DENND1A: variants seen among roughly 807,000 people sequenced by gnomAD.
DENND1A encodes the protein DENN domain-containing protein 1A.
A neutral mutation model predicts 113.7 loss-of-function variants in DENND1A; 51 were observed. The ratio of observed to expected loss-of-function variants is 0.45; its 90% CI spans 0.36 to 0.57. The LOEUF (loss-of-function observed/expected upper bound fraction) is 0.57. DENND1A is among the 20% of genes least tolerant of loss of function. The probability of loss-of-function intolerance (pLI) is 0.00; values close to 1 mark genes in which losing one functional copy is unlikely to be tolerated. For missense variants in DENND1A, 1,258 were observed against 1,395.9 expected (o/e 0.90, Z 1.57); for synonymous variants, 565 against 570.8 (o/e 0.99, Z 0.14).
intron 5 of DENND1A, among the ~76,000 whole-genome samples, chr9:123,709,281 G>A (rs575114561): frequency 3.7e-4 from 57 of 152,186 alleles, no homozygotes; most frequent in African/African-American, 1.2e-3. Context: ...GCCCCCCTCT[G>A]AGCACCAGTG....
intron 13 of DENND1A, among the ~76,000 whole-genome samples, chr9:123,475,020 ATTAAT>A (rs1188079956): frequency 6.7e-6 from 1 of 148,676 alleles, no homozygotes. Flanking sequence ...GGGTTTTTTA[ATTAAT>A]TTATTTTTTT....
At chr9:123,766,098 TC>T (rs942299138) in intron 4 of DENND1A, among the ~76,000 whole-genome samples, 1 of 152,172 alleles carries the variant, frequency 6.6e-6, no homozygotes, top group African/African-American at 2.4e-5. Context: ...CCCAGCGAGC[TC>T]CATCTGCTCT....
chr9:123,520,806 C>T (rs577387945), intron 13 of DENND1A, among the ~76,000 whole-genome samples: 8 of 152,174 alleles, frequency 5.3e-5, no homozygotes, highest in Non-Finnish European at 8.8e-5. Flanking sequence ...GTTCCCACTA[C>T]CTAAAGTGGT....
chr9:123,540,035 A>ATC (rs1200398695), intron 13 of DENND1A, among the ~76,000 whole-genome samples: 1 of 152,250 alleles, frequency 6.6e-6, no homozygotes, highest in Non-Finnish European at 1.5e-5. Flanking sequence ...CTTTGTAAAC[A>ATC]GTGTCAGCAT....
At chr9:123,609,385 T>G (rs1390306094) in intron 11 of DENND1A, 51 bp downstream of exon 11, 4 of 1,582,862 alleles carry the variant, frequency 2.5e-6, no homozygotes, top group Non-Finnish European at 3.5e-6. Flanking sequence ...CGCCACACAA[T>G]GAAACAAAGC....
chr9:123,897,459 G>A (rs1430671011), intron 1 of DENND1A, among the ~76,000 whole-genome samples: 3 of 152,224 alleles, frequency 2.0e-5, no homozygotes, highest in South Asian at 4.1e-4. Context: ...GTGGCCTTAA[G>A]AGGATAGGGC....
intron 8 of DENND1A, among the ~76,000 whole-genome samples, chr9:123,657,380 C>T (rs1189345992): frequency 7.9e-6 from 1 of 127,290 alleles, no homozygotes; most frequent in Non-Finnish European, 1.6e-5. Flanking sequence ...CCTGAGGTTA[C>T]GAAGCAGGTG....
chr9:123,692,904 G>C (rs1299770592), intron 5 of DENND1A, among the ~76,000 whole-genome samples: 1 of 152,164 alleles, frequency 6.6e-6, no homozygotes, highest in Non-Finnish European at 1.5e-5. Flanking sequence ...AACTATGTGA[G>C]ATGGGTATTT....
At chr9:123,808,384 CTTT>C (rs777273959) in intron 2 of DENND1A, among the ~76,000 whole-genome samples, 1 of 136,728 alleles carries the variant, frequency 7.3e-6, no homozygotes, top group Admixed American at 7.4e-5. Flanking sequence ...CAATAATTTG[CTTT>C]TTTTTTTTTT....
intron 13 of DENND1A, among the ~76,000 whole-genome samples, chr9:123,496,605 G>T (rs995403290): frequency 6.6e-5 from 10 of 152,202 alleles, no homozygotes; most frequent in Non-Finnish European, 1.3e-4. Context: ...TAGAACTTCT[G>T]CTGGACTGGG....
At chr9:123,740,245 T>C (rs139928203) in intron 5 of DENND1A, among the ~76,000 whole-genome samples, 6 of 152,236 alleles carry the variant, frequency 3.9e-5, no homozygotes, top group South Asian at 4.1e-4. Context: ...CAATTCTCTA[T>C]GCTGCTTAAT....
At chr9:123,438,270 G>C (rs1220923520) in intron 19 of DENND1A, among the ~76,000 whole-genome samples, 2 of 152,176 alleles carry the variant, frequency 1.3e-5, no homozygotes, top group Admixed American at 6.5e-5. Flanking sequence ...TTAAAAGAAA[G>C]GGGTCTGTGG....
chr9:123,445,398 G>C (rs779437227), intron 18 of DENND1A, among the ~76,000 whole-genome samples: 8 of 152,266 alleles, frequency 5.3e-5, no homozygotes, highest in Non-Finnish European at 8.8e-5. Context: ...TGGAAGGTTT[G>C]AAAGGTCTGA....
At chr9:123,807,165 C>A (rs1193922151) in intron 2 of DENND1A, among the ~76,000 whole-genome samples, 1 of 152,104 alleles carries the variant, frequency 6.6e-6, no homozygotes, top group Non-Finnish European at 1.5e-5. Context: ...TTTAACTCAT[C>A]AAAATATCTA....
intron 13 of DENND1A, among the ~76,000 whole-genome samples, chr9:123,523,635 G>T (rs1263008416): frequency 6.6e-6 from 1 of 152,220 alleles, no homozygotes; most frequent in Non-Finnish European, 1.5e-5. Flanking sequence ...AGGAAAACTA[G>T]CCAAAAACTT....
At chr9:123,766,636 A>C (rs1196387093) in intron 4 of DENND1A, among the ~76,000 whole-genome samples, 1 of 152,224 alleles carries the variant, frequency 6.6e-6, no homozygotes, top group East Asian at 1.9e-4. Flanking sequence ...ATGGAAATCT[A>C]GGTTGTGCTC....
intron 4 of DENND1A, among the ~76,000 whole-genome samples, chr9:123,761,535 G>C (rs974916724): frequency 2.6e-5 from 4 of 152,302 alleles, no homozygotes; most frequent in South Asian, 4.1e-4. Flanking sequence ...TTCAGGAAAG[G>C]CTAGTCCTCT....
chr9:123,681,741 T>C (rs979823955), intron 5 of DENND1A, among the ~76,000 whole-genome samples: 2 of 152,148 alleles, frequency 1.3e-5, no homozygotes, highest in African/African-American at 4.8e-5. Flanking sequence ...CATACATACC[T>C]TCCCTAGTTT....
At chr9:123,620,232 A>G (rs113666751) in intron 10 of DENND1A, among the ~76,000 whole-genome samples, 2,739 of 114,358 alleles carry the variant, frequency 0.024, 54 homozygotes, top group Middle Eastern at 0.035. Flanking sequence ...AAAAAAAAAA[A>G]AAAAAAGAAA....
Sources: gnomAD v4.1 joint callset for allele counts (sites outside exome capture counted in the v4.1 genomes callset) on GRCh38, gnomAD v4.1.1 for gene constraint, MANE v1.5 for transcripts, NCBI Gene and HGNC (gene_info 2026-07-23, HGNC 2026-07-21) for gene names.